IL1RAPL1: variants seen among roughly 807,000 people sequenced by gnomAD.
IL1RAPL1 encodes interleukin-1 receptor accessory protein-like 1.
A neutral mutation model predicts 48.4 loss-of-function variants in IL1RAPL1; 3 were observed. That is an observed-to-expected ratio of 0.06 (90% CI 0.03 to 0.16). The LOEUF (loss-of-function observed/expected upper bound fraction) is 0.16. Among genes scored for constraint, IL1RAPL1 ranks in the 10% least tolerant of loss-of-function variants. The probability of loss-of-function intolerance (pLI) is 1.00; values close to 1 mark genes in which losing one functional copy is unlikely to be tolerated. For missense variants in IL1RAPL1, 349 were observed against 530.6 expected (o/e 0.66, Z 3.36); for synonymous variants, 185 against 187.7 (o/e 0.99, Z 0.12).
chrX:29,319,816 C>T lies in IL1RAPL1; in HGVS notation c.362+36599C>T, dbSNP rs748453560. 2.7e-5 allele frequency among the ~76,000 whole-genome samples: 3 copies of T among 111,161 alleles called. No individual in the cohort carries two copies. The East Asian group carries it at 8.4e-4, about 31-fold the overall frequency. On this transcript the variant is annotated intron_variant, in intron 3 of 10. Coordinates refer to ENST00000378993, the MANE Select transcript of IL1RAPL1 (RefSeq NM_014271.4). Reference sequence around the variant, plus strand: ...GAAGAAACAGATTAATGACAAATTCCTTTCATTACTAATTTCTGTGGTTCT... The same window carrying T: ...GAAGAAACAGATTAATGACAAATTCTTTTCATTACTAATTTCTGTGGTTCT...
chrX:29,277,701 C>G (rs1215440801), intron 2 of IL1RAPL1, among the ~76,000 whole-genome samples: 1 of 111,657 alleles, frequency 9.0e-6, no homozygotes, highest in Non-Finnish European at 1.9e-5. Flanking sequence ...GTTGAGTATC[C>G]TTTTTTTCTG....
intron 6 of IL1RAPL1, among the ~76,000 whole-genome samples, chrX:29,763,336 A>T (rs924719892): frequency 1.8e-5 from 2 of 111,472 alleles, no homozygotes; most frequent in African/African-American, 6.5e-5. Flanking sequence ...ATTGCTAAAA[A>T]TTTATCTTGT....
At chrX:28,897,205 C>T (rs949456138) in intron 2 of IL1RAPL1, among the ~76,000 whole-genome samples, 21 of 93,255 alleles carry the variant, frequency 2.3e-4, no homozygotes, top group South Asian at 4.7e-4. Context: ...GGTAGAGACA[C>T]GGAGAGAAGG....
chrX:29,463,944 T>C (rs1427620286), intron 5 of IL1RAPL1, among the ~76,000 whole-genome samples: 2 of 111,408 alleles, frequency 1.8e-5, no homozygotes, highest in Non-Finnish European at 3.8e-5. Flanking sequence ...TCCAGCCCTG[T>C]GAGTGAGTCA....
At chrX:29,657,538 A>G (rs1602349513) in intron 5 of IL1RAPL1, among the ~76,000 whole-genome samples, 3 of 112,233 alleles carry the variant, frequency 2.7e-5, no homozygotes. Flanking sequence ...TAGAAATATA[A>G]TGTCTTTGTG....
intron 2 of IL1RAPL1, among the ~76,000 whole-genome samples, chrX:28,958,321 G>A (rs1176378847): frequency 2.7e-5 from 3 of 111,590 alleles, no homozygotes; most frequent in Admixed American, 1.9e-4. Flanking sequence ...ACTTCTATGA[G>A]TTCAACTTTA....
At position 29,706,623 on chromosome X, in the gene IL1RAPL1, C is replaced by T; in HGVS notation, c.778+38119C>T. On this transcript the variant is annotated intron_variant, in intron 6 of 10. Transcript: ENST00000378993. Reference sequence around the variant, plus strand: ...CTCCATATCTCACATCCAGGTCATGCTGATGCAAAAGATGGGCCAAATACT... The same window carrying T: ...CTCCATATCTCACATCCAGGTCATGTTGATGCAAAAGATGGGCCAAATACT... Among the ~76,000 whole-genome samples, 4 of 111,861 alleles carry T rather than the reference C, an allele frequency of 3.6e-5. No individual in the cohort carries two copies. In the Middle Eastern group the frequency reaches 0.014, roughly 388 times the overall value.
chrX:29,381,139 G>T (rs1452717782), intron 3 of IL1RAPL1, among the ~76,000 whole-genome samples: 1 of 110,424 alleles, frequency 9.1e-6, no homozygotes, highest in Non-Finnish European at 1.9e-5. Flanking sequence ...TGTTGAGAAA[G>T]AAGTGAGTTA....
At chrX:28,659,781 T>C (rs1283604106) in intron 1 of IL1RAPL1, among the ~76,000 whole-genome samples, 1 of 107,764 alleles carries the variant, frequency 9.3e-6, no homozygotes, top group East Asian at 2.9e-4. Flanking sequence ...ATCTTTGTAC[T>C]TTAGCTCAAG....
chrX:29,338,825 A>C (rs2147643768), intron 3 of IL1RAPL1, among the ~76,000 whole-genome samples: 1 of 110,391 alleles, frequency 9.1e-6, no homozygotes, highest in South Asian at 3.9e-4. Context: ...GCCTCTGGCT[A>C]CCTCAGACTT....
intron 2 of IL1RAPL1, among the ~76,000 whole-genome samples, chrX:28,895,846 T>G (rs1351124574): frequency 8.9e-6 from 1 of 111,983 alleles, no homozygotes; most frequent in Non-Finnish European, 1.9e-5. Context: ...TCAGGCAATG[T>G]CAGTCTTCAG....
In IL1RAPL1 at chrX:28,694,034, G is replaced by A. The variant is rs1404234603; in HGVS notation, c.-24-95286G>A. Among the ~76,000 whole-genome samples the A allele has an allele frequency of 2.7e-5, 3 of 111,399 alleles. No homozygotes were observed. In the Admixed American group the frequency reaches 2.9e-4, roughly 11 times the overall value. ...GAGTACTTGCCCAGTTACACTTGTCGAACACGTGCTTTACCTTCCTGCACA... is the reference window on the plus strand; with the variant it reads ...GAGTACTTGCCCAGTTACACTTGTCAAACACGTGCTTTACCTTCCTGCACA... On this transcript the variant is annotated intron_variant, in intron 1 of 10. Transcript: ENST00000378993.
At chrX:29,794,101 C>A (rs5972995) in intron 6 of IL1RAPL1, among the ~76,000 whole-genome samples, 2,698 of 111,835 alleles carry the variant, frequency 0.024, 80 homozygotes, top group African/African-American at 0.083. Context: ...TGTAATACAT[C>A]TGTGAATTAT....
At chrX:29,551,835 G>A (rs1339399708) in intron 5 of IL1RAPL1, among the ~76,000 whole-genome samples, 1 of 99,587 alleles carries the variant, frequency 1.0e-5, no homozygotes, top group African/African-American at 3.7e-5. Flanking sequence ...AGCACAGGAT[G>A]AAGGTTTTCT....
chrX:28,957,449 A>G (rs1170778004), intron 2 of IL1RAPL1, among the ~76,000 whole-genome samples: 1 of 111,810 alleles, frequency 8.9e-6, no homozygotes, highest in East Asian at 2.8e-4. Context: ...AGATATGATT[A>G]ACTTCTATAA....
chrX:29,250,911 C>T (rs1389338729), intron 2 of IL1RAPL1, among the ~76,000 whole-genome samples: 1 of 111,867 alleles, frequency 8.9e-6, no homozygotes, highest in Non-Finnish European at 1.9e-5. Context: ...TGGTTTGAGC[C>T]ACCTCAATCC....
At chrX:29,920,794 C>CAAAAAAAAAAA (rs1176529100) in intron 8 of IL1RAPL1, among the ~76,000 whole-genome samples, 15 of 31,606 alleles carry the variant, frequency 4.7e-4, no homozygotes, top group Non-Finnish European at 5.8e-4. Context: ...GACCCTGTCT[C>CAAAAAAAAAAA]AAAAAAAAAA....
Position 28,725,917 on chromosome X carries a change from C to T in IL1RAPL1, c.-24-63403C>T, listed in dbSNP as rs1457912610. 4.5e-5 allele frequency among the ~76,000 whole-genome samples: 5 copies of T among 112,097 alleles called. No individual in the cohort carries two copies. In the Admixed American group the frequency reaches 4.7e-4, roughly 11 times the overall value. On this transcript the variant is annotated intron_variant, in intron 1 of 10. Transcript: ENST00000378993. ...ATTTTTGTTGTATTTAGAAAAGCAT[C>T]ATGTACTTAAATGGAAGAAAAAAAG...
At chrX:28,707,758 A>G (rs1022659354) in intron 1 of IL1RAPL1, among the ~76,000 whole-genome samples, 1 of 111,778 alleles carries the variant, frequency 8.9e-6, no homozygotes. Context: ...TTATAAAACT[A>G]CTAATCTGAG....
Sources: allele counts gnomAD v4.1 joint callset (sites outside exome capture counted in the v4.1 genomes callset), GRCh38; gene constraint gnomAD v4.1.1; transcripts MANE v1.5; gene names NCBI Gene and HGNC (gene_info 2026-07-23, HGNC 2026-07-21).